Variants in PPM1L observed in about 807,000 individuals in gnomAD.
PPM1L encodes protein phosphatase 1L.
PPM1L carries 13 observed loss-of-function variants against 31.4 expected under a neutral mutation model. The ratio of observed to expected loss-of-function variants is 0.41; its 90% CI spans 0.27 to 0.66. The LOEUF is 0.66. Ranked by LOEUF, PPM1L falls within the 30% of genes least tolerant of loss-of-function variation. PPM1L has a pLI of 0.29. For missense variants in PPM1L, 326 were observed against 453.7 expected (o/e 0.72, Z 2.56); for synonymous variants, 184 against 175.4 (o/e 1.05, Z -0.39).
intron 1 of PPM1L, among the ~76,000 whole-genome samples, chr3:160,879,547 G>T (rs990985475): frequency 1.3e-5 from 2 of 152,148 alleles, no homozygotes; most frequent in Non-Finnish European, 2.9e-5. Context: ...CAAGGGAAGA[G>T]AAAGAATTTT....
chr3:160,898,325 G>T (rs1456965586), intron 1 of PPM1L, among the ~76,000 whole-genome samples: 1 of 152,172 alleles, frequency 6.6e-6, no homozygotes, highest in Non-Finnish European at 1.5e-5. Flanking sequence ...CCTTTCTTAA[G>T]TCCAGAAAGG....
At chr3:160,911,837 C>T (rs1713981850) in intron 1 of PPM1L, among the ~76,000 whole-genome samples, 1 of 152,188 alleles carries the variant, frequency 6.6e-6, no homozygotes, top group Admixed American at 6.5e-5. Context: ...AACTGTACCA[C>T]TTCCTAACAT....
In PPM1L at chr3:161,019,795, G is replaced by A. The variant is rs557808329; in HGVS notation, c.575-45608G>A. On this transcript the variant is annotated intron_variant, in intron 2 of 3. Coordinates refer to ENST00000498165, the MANE Select transcript of PPM1L (RefSeq NM_139245.4). ...AAGATGATATGTCATATAATTAGTT[G>A]GCCTTTTTCTCTAAAATCATAAACG... Among the ~76,000 whole-genome samples the A allele has an allele frequency of 9.7e-4, 148 of 152,070 alleles. 1 individual carries two copies. Among genetic ancestry groups the A allele is most frequent in the Middle Eastern group, 3.4e-3 (1 of 294 alleles).
At chr3:161,048,571 C>A (rs1229751265) in intron 2 of PPM1L, among the ~76,000 whole-genome samples, 1 of 152,276 alleles carries the variant, frequency 6.6e-6, no homozygotes, top group Admixed American at 6.5e-5. Context: ...CCAGCCATCT[C>A]ATTACTGGGT....
intron 1 of PPM1L, among the ~76,000 whole-genome samples, chr3:160,944,973 T>G: frequency 1.9e-5 from 1 of 52,168 alleles, no homozygotes; most frequent in African/African-American, 5.2e-5. Context: ...ACATATATTA[T>G]ATATAACTAT....
intron 2 of PPM1L, among the ~76,000 whole-genome samples, chr3:161,043,421 C>T (rs914745517): frequency 1.3e-5 from 2 of 152,134 alleles, no homozygotes; most frequent in Non-Finnish European, 2.9e-5. Context: ...TCACATACTG[C>T]GGGCCTCAAG....
chr3:160,832,087 T>C (rs1345933537), intron 1 of PPM1L, among the ~76,000 whole-genome samples: 1 of 152,120 alleles, frequency 6.6e-6, no homozygotes, highest in African/African-American at 2.4e-5. Context: ...GTAGAAGAGA[T>C]TAGAGATGTA....
At chr3:160,810,106 T>C (rs923834797) in intron 1 of PPM1L, among the ~76,000 whole-genome samples, 3 of 151,952 alleles carry the variant, frequency 2.0e-5, no homozygotes, top group African/African-American at 7.3e-5. Flanking sequence ...ATGACTGATA[T>C]TACTATGCCC....
chr3:160,813,901 A>G (rs1231967188), intron 1 of PPM1L, among the ~76,000 whole-genome samples: 1 of 152,192 alleles, frequency 6.6e-6, no homozygotes, highest in Non-Finnish European at 1.5e-5. Flanking sequence ...ATTCTAGAAA[A>G]TAAGTTTTGA....
At chr3:160,971,121 G>T (rs1258204468) in intron 2 of PPM1L, among the ~76,000 whole-genome samples, 1 of 152,050 alleles carries the variant, frequency 6.6e-6, no homozygotes. Context: ...GAAAACTATT[G>T]GCCATAGTTG....
chr3:160,764,132 C>G (rs1715041544), intron 1 of PPM1L, among the ~76,000 whole-genome samples: 1 of 151,530 alleles, frequency 6.6e-6, no homozygotes, highest in South Asian at 2.1e-4. Flanking sequence ...TTGTTTGTTT[C>G]TTTTTTAGGG....
intron 2 of PPM1L, among the ~76,000 whole-genome samples, chr3:160,991,301 T>C (rs1717128364): frequency 6.6e-6 from 1 of 152,116 alleles, no homozygotes; most frequent in South Asian, 2.1e-4. Context: ...GGATTTGAGA[T>C]GTTGAGAGCC....
chr3:160,879,199 A>G (rs1013899504), intron 1 of PPM1L, among the ~76,000 whole-genome samples: 1 of 152,198 alleles, frequency 6.6e-6, no homozygotes, highest in Non-Finnish European at 1.5e-5. Context: ...TGCTTCTGAG[A>G]AAGAAATGCT....
At chr3:160,771,992 A>G (rs954291238) in intron 1 of PPM1L, among the ~76,000 whole-genome samples, 3 of 152,016 alleles carry the variant, frequency 2.0e-5, no homozygotes, top group African/African-American at 4.8e-5. Context: ...TGAGCATCTG[A>G]TATGGTACCT....
chr3:160,902,829 T>C (rs944436596), intron 1 of PPM1L, among the ~76,000 whole-genome samples: 2 of 151,812 alleles, frequency 1.3e-5, no homozygotes. Context: ...CCGTGTCCCT[T>C]GATACATACA....
At chr3:160,823,600 T>C (rs1029099836) in intron 1 of PPM1L, among the ~76,000 whole-genome samples, 3 of 152,152 alleles carry the variant, frequency 2.0e-5, no homozygotes, top group African/African-American at 7.2e-5. Flanking sequence ...TTTATCATTA[T>C]TGGTATAGAA....
chr3:160,868,287 C>CA (rs902843927), intron 1 of PPM1L, among the ~76,000 whole-genome samples: 2 of 152,144 alleles, frequency 1.3e-5, no homozygotes, highest in African/African-American at 4.8e-5. Flanking sequence ...AAGGGGGGTC[C>CA]AGGCATTTTC....
rs543998595 is a variant in PPM1L at position 161,075,026 on chromosome 3, G to C, written c.*5869G>C. On this transcript the variant is annotated 3_prime_UTR_variant, in exon 4 of 4. Transcript: ENST00000498165. Reference sequence around the variant, plus strand: ...GGACATTGAGCACAAGCAGATTACTGTAAGGGCACTGGTGGCAGATTGTGG... The same window carrying C: ...GGACATTGAGCACAAGCAGATTACTCTAAGGGCACTGGTGGCAGATTGTGG... The C allele has an allele frequency of 6.6e-6, 1 of 152,102 alleles. No homozygotes were observed. The highest frequency in any genetic ancestry group is 2.4e-5 in the African/African-American group (1 of 41,414). 9.4% of individuals were successfully genotyped at this position (152,102 alleles called of 1,614,324 possible).
At chr3:160,988,821 A>G (rs935772990) in intron 2 of PPM1L, among the ~76,000 whole-genome samples, 6 of 152,208 alleles carry the variant, frequency 3.9e-5, no homozygotes, top group African/African-American at 1.4e-4. Flanking sequence ...TGCAGTTAAC[A>G]GAAGATGTCT....
Sources: gnomAD v4.1 joint callset for allele counts (sites outside exome capture counted in the v4.1 genomes callset) on GRCh38, gnomAD v4.1.1 for gene constraint, MANE v1.5 for transcripts, NCBI Gene and HGNC (gene_info 2026-07-23, HGNC 2026-07-21) for gene names.